The following GHR variants were observed in gnomAD, a reference collection of about 807,000 sequenced individuals.
GHR encodes growth hormone receptor.
A neutral mutation model predicts 67.1 loss-of-function variants in GHR; 35 were observed. The ratio of observed to expected loss-of-function variants is 0.52; its 90% confidence interval spans 0.40 to 0.69. The LOEUF (loss-of-function observed/expected upper bound fraction) is 0.69, where lower values mean the gene tolerates loss of function less well. GHR is among the 30% of genes least tolerant of loss of function. The pLI is 0.00. For missense variants in GHR, 792 were observed against 764.6 expected (o/e 1.04, Z -0.42); for synonymous variants, 272 against 269.1 (o/e 1.01, Z -0.10).
intron 3 of GHR, among the ~76,000 whole-genome samples, chr5:42,658,469 A>C (rs189912875): frequency 9.8e-4 from 150 of 152,340 alleles, no homozygotes; most frequent in Non-Finnish European, 1.7e-3. Context: ...AATGGCAAAA[A>C]CTTAGCACAA....
chr5:42,551,817 G>GC (rs558741569), intron 1 of GHR, among the ~76,000 whole-genome samples: 1 of 152,104 alleles, frequency 6.6e-6, no homozygotes, highest in Non-Finnish European at 1.5e-5. Flanking sequence ...CATGTAAACT[G>GC]CCCCCTAGGA....
At chr5:42,647,766 C>T in intron 3 of GHR, 1 of 417,736 alleles carries the variant, frequency 2.4e-6, no homozygotes, top group Non-Finnish European at 4.7e-6. Context: ...CTTGGTTTTT[C>T]CACTCTTTGC....
intron 2 of GHR, among the ~76,000 whole-genome samples, chr5:42,623,819 C>T (rs1291155273): frequency 6.6e-6 from 1 of 152,188 alleles, no homozygotes; most frequent in Non-Finnish European, 1.5e-5. Flanking sequence ...GGAGTCCTTG[C>T]AGATCATAAC....
chr5:42,531,982 CTT>C (rs762664385), intron 1 of GHR, among the ~76,000 whole-genome samples: 4 of 142,870 alleles, frequency 2.8e-5, no homozygotes, highest in African/African-American at 2.6e-5. Context: ...AGAAAAATAG[CTT>C]TTTTTTTTTT....
chr5:42,574,485 T>G (rs1199719156), intron 2 of GHR, among the ~76,000 whole-genome samples: 1 of 152,232 alleles, frequency 6.6e-6, no homozygotes, highest in Non-Finnish European at 1.5e-5. Context: ...AAGAGGCTCT[T>G]AATGAGAAAT....
chr5:42,677,279 C>T (rs895243266), intron 3 of GHR, among the ~76,000 whole-genome samples: 4 of 151,996 alleles, frequency 2.6e-5, no homozygotes, highest in African/African-American at 2.4e-5. Flanking sequence ...TTCAGAGTGC[C>T]CAGGTCACTA....
At chr5:42,612,755 A>G (rs985729496) in intron 2 of GHR, among the ~76,000 whole-genome samples, 6 of 152,238 alleles carry the variant, frequency 3.9e-5, no homozygotes, top group African/African-American at 1.4e-4. Flanking sequence ...TCTAAAATGG[A>G]CCTTTTCCAT....
intron 1 of GHR, among the ~76,000 whole-genome samples, chr5:42,437,273 G>A (rs1192534172): frequency 6.6e-6 from 1 of 152,084 alleles, no homozygotes; most frequent in Non-Finnish European, 1.5e-5. Context: ...TTGCTTATAT[G>A]GCTACATAAA....
At chr5:42,475,721 G>A (rs1300048477) in intron 1 of GHR, among the ~76,000 whole-genome samples, 4 of 151,980 alleles carry the variant, frequency 2.6e-5, no homozygotes, top group Non-Finnish European at 5.9e-5. Context: ...CAGAATCAGC[G>A]AAAAGTCAGA....
At chr5:42,479,536 G>A (rs1030076113) in intron 1 of GHR, among the ~76,000 whole-genome samples, 2 of 152,290 alleles carry the variant, frequency 1.3e-5, no homozygotes, top group Non-Finnish European at 2.9e-5. Flanking sequence ...TGGTTCGTAA[G>A]CTATTCATTA....
chr5:42,562,811 C>G (rs1444164880), intron 1 of GHR, among the ~76,000 whole-genome samples: 2 of 151,852 alleles, frequency 1.3e-5, no homozygotes, highest in East Asian at 3.9e-4. Context: ...CTGCCATGCC[C>G]AGCTAATTTT....
At position 42,423,541 on chromosome 5, in the gene GHR, T is replaced by C. The variant is rs1306908290; in HGVS notation, c.-426T>C. 2.6e-5 allele frequency among the ~76,000 whole-genome samples: 4 copies of C among 151,752 alleles called. No individual in the cohort carries two copies. Among genetic ancestry groups the C allele is most frequent in the Non-Finnish European group, 4.4e-5 (3 of 67,960 alleles). On this transcript the variant is annotated 5_prime_UTR_variant, in exon 1 of 10. Transcript: ENST00000230882. ...GCGGCACTCGGCCTCTCCGCAGCAG[T>C]TCTCGAACTGGCCTCCTTGAACGTC...
intron 2 of GHR, among the ~76,000 whole-genome samples, chr5:42,627,977 G>GGGAGTGGGAAGTGGGGAT (rs1362100160): frequency 2.0e-5 from 3 of 152,202 alleles, no homozygotes; most frequent in Non-Finnish European, 2.9e-5. Flanking sequence ...AAGATGGATG[G>GGGAGTGGGAAGTGGGGAT]GGAGTGGGAA....
chr5:42,554,035 A>G (rs1047143150), intron 1 of GHR, among the ~76,000 whole-genome samples: 1 of 152,194 alleles, frequency 6.6e-6, no homozygotes, highest in African/African-American at 2.4e-5. Context: ...CTGTTGCCAC[A>G]AAAGTTATAT....
intron 2 of GHR, among the ~76,000 whole-genome samples, chr5:42,582,363 G>T (rs1158413006): frequency 6.6e-6 from 1 of 152,190 alleles, no homozygotes; most frequent in Admixed American, 6.5e-5. Context: ...AGCCACCCAT[G>T]GACCAATAAG....
chr5:42,495,175 G>A (rs1746269214), intron 1 of GHR, among the ~76,000 whole-genome samples: 1 of 151,962 alleles, frequency 6.6e-6, no homozygotes, highest in African/African-American at 2.4e-5. Flanking sequence ...GCAAGAAAGA[G>A]AGCAGCAAAT....
intron 1 of GHR, among the ~76,000 whole-genome samples, chr5:42,493,218 C>A (rs1316944473): frequency 1.3e-5 from 2 of 152,108 alleles, no homozygotes; most frequent in African/African-American, 4.8e-5. Flanking sequence ...AGACAGAGAC[C>A]TTGCTGTGTT....
intron 1 of GHR, among the ~76,000 whole-genome samples, chr5:42,495,233 C>T (rs1509453): frequency 0.15 from 22,741 of 151,820 alleles, 1,899 homozygotes; most frequent in Middle Eastern, 0.2. Flanking sequence ...GCCACTTAGT[C>T]TATCTAGTAA....
chr5:42,536,682 A>G (rs1474943417), intron 1 of GHR, among the ~76,000 whole-genome samples: 1 of 152,100 alleles, frequency 6.6e-6, no homozygotes, highest in Non-Finnish European at 1.5e-5. Context: ...GCTTCATAGA[A>G]TGGATTAGGG....
Sources: allele counts gnomAD v4.1 joint callset (sites outside exome capture counted in the v4.1 genomes callset), GRCh38; gene constraint gnomAD v4.1.1; transcripts MANE v1.5; gene names NCBI Gene and HGNC (gene_info 2026-07-23, HGNC 2026-07-21).